IL1R1: variants seen among roughly 807,000 people sequenced by gnomAD.
The protein encoded by IL1R1 is interleukin-1 receptor type 1.
In IL1R1, 22 loss-of-function variants were observed where a neutral mutation model predicts 50.2. The observed-to-expected ratio is 0.44, with a 90% CI of 0.31 to 0.63. IL1R1 has a LOEUF of 0.63. Among genes scored for constraint, IL1R1 ranks in the 20% least tolerant of loss-of-function variants. IL1R1 has a pLI of 0.07. For synonymous variants in IL1R1, 251 were observed against 236.7 expected (o/e 1.06, Z -0.55); for missense variants, 509 against 676.2 (o/e 0.75, Z 2.74).
At chr2:102,159,684 C>T (rs926733554) in intron 3 of IL1R1, among the ~76,000 whole-genome samples, 3 of 152,134 alleles carry the variant, frequency 2.0e-5, no homozygotes, top group Non-Finnish European at 4.4e-5. Context: ...GTCAATAACA[C>T]CACCACCCTA....
At chr2:102,142,682 C>G (rs1056201961), upstream of IL1R1, 3 of 151,662 alleles carry the variant, frequency 2.0e-5, no homozygotes, top group Non-Finnish European at 4.4e-5. Context: ...CTGGCCCAGC[C>G]GAGCCGTCTC....
rs190185886 is a variant in IL1R1, at chr2:102,149,146, C to T, written c.-83-4795C>T. Among the ~76,000 whole-genome samples the T allele has an allele frequency of 9.2e-5, 14 of 152,192 alleles. No homozygotes were observed. In the East Asian group the frequency reaches 2.7e-3, roughly 29 times the overall value. On this transcript the variant is annotated intron_variant, in intron 1 of 11. Transcript: ENST00000410023. ...TTTCAGGACTCATTCATGGTCACTT[C>T]TCAGTTATGGCAAATAAGTTGGAGC...
intron 3 of IL1R1, among the ~76,000 whole-genome samples, chr2:102,162,811 A>G (rs947270133): frequency 2.0e-5 from 3 of 152,126 alleles, no homozygotes; most frequent in Admixed American, 6.5e-5. Context: ...AAAGAGATTT[A>G]AATAATAAGA....
chr2:102,144,089 C>T (rs1682908390), intron 1 of IL1R1, among the ~76,000 whole-genome samples: 1 of 152,214 alleles, frequency 6.6e-6, no homozygotes, highest in South Asian at 2.1e-4. Context: ...TTTTTGCCAT[C>T]CAGTTTACCA....
At chr2:102,158,698 A>G (rs1368949651) in intron 3 of IL1R1, among the ~76,000 whole-genome samples, 1 of 152,150 alleles carries the variant, frequency 6.6e-6, no homozygotes, top group Non-Finnish European at 1.5e-5. Context: ...ATTATATGGA[A>G]TGTTGTGCCC....
chr2:102,102,099 G>A (rs1680168339), upstream of IL1R1, among the ~76,000 whole-genome samples: 1 of 152,142 alleles, frequency 6.6e-6, no homozygotes, highest in African/African-American at 2.4e-5. Context: ...CATCTGGAGT[G>A]GAAAAGAGGG....
chr2:102,175,206 G>C (rs1559510326), intron 10 of IL1R1, among the ~76,000 whole-genome samples: 1 of 152,078 alleles, frequency 6.6e-6, no homozygotes. Context: ...AGAAGATGAG[G>C]ACAGGGAGAC....
At chr2:102,082,915 G>A (rs1679277782) in intron 1 of IL1R1, among the ~76,000 whole-genome samples, 1 of 152,140 alleles carries the variant, frequency 6.6e-6, no homozygotes, top group Non-Finnish European at 1.5e-5. Flanking sequence ...TGTGTATGAA[G>A]AACAACTTCC....
chr2:102,129,463 C>A (rs1008585431), intron 1 of IL1R1, among the ~76,000 whole-genome samples: 3 of 152,154 alleles, frequency 2.0e-5, no homozygotes, highest in Non-Finnish European at 4.4e-5. Flanking sequence ...GAGCATAGGT[C>A]AGATGACCAG....
At position 102,115,231 on chromosome 2, in the gene IL1R1, T is replaced by G. The variant is rs1558643; in HGVS notation, c.-84+10359T>G. On this transcript the variant is annotated intron_variant, in intron 1 of 10. Transcript: ENST00000409329. ...ACCACTGACCCGAGAAGTAGACAGT[T>G]GCCGAGTCAGTAAATTACCCAAGTA... Among the ~76,000 whole-genome samples, 11 of 152,066 alleles carry G rather than the reference T, an allele frequency of 7.2e-5. No individual in the cohort carries two copies. In the East Asian group the frequency reaches 2.1e-3, roughly 29 times the overall value.
rs1686361222 is a variant in IL1R1 at position 102,178,935 on chromosome 2, T to C, written c.*2176T>C. 2 of 152,308 alleles carry C rather than the reference T, an allele frequency of 1.3e-5. No individual in the cohort carries two copies. Among genetic ancestry groups the C allele is most frequent in the African/African-American group, 2.4e-5 (1 of 41,434 alleles). 9.4% of individuals were successfully genotyped at this position (152,308 alleles called of 1,614,324 possible). ...GAACACCAACTTTTATTTGGAATAA[T>C]AATTTTCCTCCTAAACAAAAACACA... is the stretch of plus-strand genomic sequence containing the variant. On this transcript the variant is annotated 3_prime_UTR_variant, in exon 12 of 12. Coordinates refer to ENST00000410023, the MANE Select transcript of IL1R1 (RefSeq NM_000877.4).
intron 1 of IL1R1, among the ~76,000 whole-genome samples, chr2:102,107,281 G>A (rs1680470863): frequency 6.6e-6 from 1 of 152,096 alleles, no homozygotes. Flanking sequence ...AGAAAATGTG[G>A]CACATATACA....
chr2:102,072,644 C>T (rs943925936), intron 1 of IL1R1, among the ~76,000 whole-genome samples: 1 of 151,986 alleles, frequency 6.6e-6, no homozygotes, highest in Admixed American at 6.6e-5. Context: ...TTATTCATGT[C>T]TTTTGCAGTA....
At chr2:102,078,601 A>ACACACAC (rs1159929134) in intron 1 of IL1R1, among the ~76,000 whole-genome samples, 7,220 of 133,334 alleles carry the variant, frequency 0.054, 332 homozygotes, top group East Asian at 0.16. Context: ...CACACACACA[A>ACACACAC]GAAAAAAAAA....
chr2:102,124,611 T>G (rs1471230252), intron 1 of IL1R1, among the ~76,000 whole-genome samples: 2 of 152,094 alleles, frequency 1.3e-5, no homozygotes, highest in Non-Finnish European at 2.9e-5. Context: ...CAGGAAAAAC[T>G]GCCACTTTTA....
At chr2:102,163,560 T>C (rs3917276) in intron 3 of IL1R1, among the ~76,000 whole-genome samples, 1 of 152,224 alleles carries the variant, frequency 6.6e-6, no homozygotes, top group Non-Finnish European at 1.5e-5. Context: ...AAAAGTTTTT[T>C]AAAATCTCTT....
intron 1 of IL1R1, among the ~76,000 whole-genome samples, chr2:102,115,343 CT>C (rs1314286289): frequency 1.3e-5 from 2 of 152,192 alleles, no homozygotes; most frequent in African/African-American, 4.8e-5. Flanking sequence ...CCTCAGAAAA[CT>C]TTGTTACTGG....
intron 1 of IL1R1, among the ~76,000 whole-genome samples, chr2:102,150,632 C>T (rs1039093130): frequency 6.6e-6 from 1 of 152,288 alleles, no homozygotes; most frequent in Admixed American, 6.5e-5. Context: ...AAGATCTTCA[C>T]AATTGCAAGC....
chr2:102,133,335 A>G (rs1177438480), intron 1 of IL1R1, among the ~76,000 whole-genome samples: 1 of 152,176 alleles, frequency 6.6e-6, no homozygotes, highest in Non-Finnish European at 1.5e-5. Context: ...AAGAAAATAT[A>G]ATAGTAATTC....
Sources: allele counts gnomAD v4.1 joint callset (sites outside exome capture counted in the v4.1 genomes callset), GRCh38; gene constraint gnomAD v4.1.1; transcripts MANE v1.5; gene names NCBI Gene and HGNC (gene_info 2026-07-23, HGNC 2026-07-21).